NTM: variants seen among roughly 807,000 people sequenced by gnomAD.
NTM encodes neurotrimin.
A neutral mutation model predicts 42.1 loss-of-function variants in NTM; 13 were observed. That is an observed-to-expected ratio of 0.31 (90% confidence interval 0.20 to 0.49). The LOEUF is 0.49. Ranked by LOEUF, NTM falls within the 20% of genes least tolerant of loss-of-function variation. The probability of loss-of-function intolerance (pLI) is 0.99; values close to 1 mark genes in which losing one functional copy is unlikely to be tolerated. For synonymous variants in NTM, 187 were observed against 179.2 expected (o/e 1.04, Z -0.35); for missense variants, 373 against 452.8 (o/e 0.82, Z 1.60).
chr11:131,598,474 A>G (rs886219052), intron 1 of NTM, among the ~76,000 whole-genome samples: 3 of 152,174 alleles, frequency 2.0e-5, no homozygotes, highest in African/African-American at 4.8e-5. Context: ...TTAACAAAAC[A>G]AAGGTCTATT....
chr11:131,616,778 G>GTGTGTGTGTGTGTGTGT lies in NTM; in HGVS notation c.82+245890_82+245891insTGTGTGTGTGTGTGTGT, dbSNP rs1555166353. On this transcript the variant is annotated intron_variant, in intron 1 of 8. Coordinates refer to ENST00000683400, the MANE Select transcript of NTM (RefSeq NM_001352005.2). ...TTTTACAAGCACACTGTCTTGAGGG[G>GTGTGTGTGTGTGTGTGT]GTGTGTGTGTGTGTGTGTGTGTGTG... 6.8e-4 allele frequency among the ~76,000 whole-genome samples: 96 copies of GTGTGTGTGTGTGTGTGT among 141,976 alleles called. 1 individual carries two copies. Among genetic ancestry groups the GTGTGTGTGTGTGTGTGT allele is most frequent in the African/African-American group, 2.4e-3 (89 of 37,362 alleles). 93.1% of individuals were successfully genotyped at this position (141,976 alleles called of 152,430 possible).
intron 1 of NTM, among the ~76,000 whole-genome samples, chr11:131,422,012 G>T (rs913693232): frequency 6.6e-6 from 1 of 152,186 alleles, no homozygotes; most frequent in Non-Finnish European, 1.5e-5. Flanking sequence ...TGAAGAATCC[G>T]TGGATGGAAT....
chr11:131,597,336 T>G (rs2059901025), intron 1 of NTM, among the ~76,000 whole-genome samples: 1 of 152,140 alleles, frequency 6.6e-6, no homozygotes, highest in African/African-American at 2.4e-5. Flanking sequence ...TCTGTCTCTC[T>G]CTGTCTCTCC....
At chr11:131,725,947 TA>T (rs1400954789) in intron 1 of NTM, among the ~76,000 whole-genome samples, 1 of 152,174 alleles carries the variant, frequency 6.6e-6, no homozygotes, top group African/African-American at 2.4e-5. Flanking sequence ...TGTGCGTTAC[TA>T]ACCAGTCTCT....
chr11:131,567,081 G>A (rs1479123959), intron 1 of NTM, among the ~76,000 whole-genome samples: 2 of 152,038 alleles, frequency 1.3e-5, no homozygotes, highest in East Asian at 1.9e-4. Flanking sequence ...AGATGGGCAC[G>A]TTTGGAAGCT....
intron 1 of NTM, among the ~76,000 whole-genome samples, chr11:131,848,600 T>C (rs937452043): frequency 6.6e-6 from 1 of 152,184 alleles, no homozygotes; most frequent in Non-Finnish European, 1.5e-5. Context: ...CCTTTGACCT[T>C]TGATGATGGC....
intron 1 of NTM, among the ~76,000 whole-genome samples, chr11:131,679,577 G>A (rs557811586): frequency 4.0e-5 from 6 of 151,804 alleles, no homozygotes; most frequent in South Asian, 2.1e-4. Flanking sequence ...GGAGCTGATC[G>A]CTGTGCCTCT....
intron 1 of NTM, among the ~76,000 whole-genome samples, chr11:131,435,291 A>G (rs1316738878): frequency 1.3e-5 from 2 of 152,178 alleles, no homozygotes; most frequent in Non-Finnish European, 2.9e-5. Flanking sequence ...TTGGTTCCAT[A>G]TGAACCTTAA....
chr11:131,759,638 G>A (rs1458157337), intron 1 of NTM, among the ~76,000 whole-genome samples: 5 of 151,028 alleles, frequency 3.3e-5, no homozygotes, highest in African/African-American at 7.3e-5. Flanking sequence ...CAGCTCTTCC[G>A]TGGGAAGCTA....
intron 1 of NTM, among the ~76,000 whole-genome samples, chr11:131,890,567 A>G (rs1272243069): frequency 6.6e-6 from 1 of 152,180 alleles, no homozygotes; most frequent in Non-Finnish European, 1.5e-5. Flanking sequence ...ATTTTCAATC[A>G]TCTTTTATTA....
intron 2 of NTM, among the ~76,000 whole-genome samples, chr11:131,952,684 G>A (rs1191720079): frequency 6.6e-6 from 1 of 152,100 alleles, no homozygotes; most frequent in East Asian, 1.9e-4. Flanking sequence ...TCAACTTAAA[G>A]ACTGGCAGAA....
intron 1 of NTM, among the ~76,000 whole-genome samples, chr11:131,851,114 G>A (rs573508352): frequency 1.3e-5 from 2 of 152,146 alleles, no homozygotes; most frequent in Non-Finnish European, 2.9e-5. Flanking sequence ...AGCTCTTCAT[G>A]TCTAAAGGAG....
At chr11:132,114,170 G>A (rs536436597) in intron 2 of NTM, among the ~76,000 whole-genome samples, 2 of 152,266 alleles carry the variant, frequency 1.3e-5, no homozygotes, top group South Asian at 2.1e-4. Flanking sequence ...GAATGTTATT[G>A]AAAAGATCTT....
At chr11:131,497,477 G>A (rs947271619) in intron 1 of NTM, among the ~76,000 whole-genome samples, 7 of 151,310 alleles carry the variant, frequency 4.6e-5, no homozygotes, top group South Asian at 2.1e-4. Context: ...TTGAGCCACC[G>A]TGCCTAGCCC....
In NTM at chr11:131,589,700, G is replaced by T. The variant is rs999386265; in HGVS notation, c.82+218812G>T. On this transcript the variant is annotated intron_variant, in intron 1 of 8. Coordinates refer to ENST00000683400, the MANE Select transcript of NTM (RefSeq NM_001352005.2). ...TTCCTCGTCACTTTTGTTGAAAAAT[G>T]TTCCTGCATCCACACATACACACAT... Among the ~76,000 whole-genome samples the T allele has an allele frequency of 2.6e-5, 4 of 152,264 alleles. No individual in the cohort carries two copies. The South Asian group carries it at 8.3e-4, about 32-fold the overall frequency.
At chr11:132,046,672 C>G (rs976956690) in intron 2 of NTM, among the ~76,000 whole-genome samples, 1 of 152,076 alleles carries the variant, frequency 6.6e-6, no homozygotes, top group African/African-American at 2.4e-5. Flanking sequence ...CATTCCCAGG[C>G]GACACTCCCC....
intron 2 of NTM, among the ~76,000 whole-genome samples, chr11:132,105,467 T>C (rs2062247090): frequency 1.3e-5 from 2 of 151,604 alleles, no homozygotes; most frequent in African/African-American, 4.8e-5. Flanking sequence ...AAGAGGAGCA[T>C]AGTAAAGAGG....
intron 2 of NTM, among the ~76,000 whole-genome samples, chr11:131,993,557 C>G (rs1354403745): frequency 1.3e-5 from 2 of 152,078 alleles, no homozygotes; most frequent in African/African-American, 4.8e-5. Flanking sequence ...AAAGATAATG[C>G]TTTTGTAATC....
chr11:131,592,024 G>A (rs2059407854), intron 1 of NTM, among the ~76,000 whole-genome samples: 1 of 152,118 alleles, frequency 6.6e-6, no homozygotes, highest in Admixed American at 6.5e-5. Flanking sequence ...GAGCACTTTT[G>A]CCCCTGGTTG....
Sources: allele counts gnomAD v4.1 joint callset (sites outside exome capture counted in the v4.1 genomes callset), GRCh38; gene constraint gnomAD v4.1.1; transcripts MANE v1.5; gene names NCBI Gene and HGNC (gene_info 2026-07-23, HGNC 2026-07-21).